LY96: variants seen among roughly 807,000 people sequenced by gnomAD.
LY96 encodes lymphocyte antigen 96.
Under a neutral mutation model 18.9 loss-of-function variants are expected in LY96, and 18 were observed. The ratio of observed to expected loss-of-function variants is 0.95; its 90% CI spans 0.66 to 1.41. LY96 has a LOEUF of 1.41. Among genes scored for constraint, LY96 ranks in the 40% most tolerant of loss-of-function variants. LY96 has a pLI of 0.00. For synonymous variants in LY96, 66 were observed against 62.6 expected (o/e 1.06, Z -0.26); for missense variants, 175 against 182.4 (o/e 0.96, Z 0.23).
At chr8:74,071,249 C>CT in the LY96 span, among the ~76,000 whole-genome samples, 5,447 of 137,288 alleles carry the variant, frequency 0.04, 227 homozygotes, top group Admixed American at 0.1. Context: ...CTTACAAGGA[C>CT]TTTTTTTTTT....
At chr8:74,068,392 T>C in the LY96 span, among the ~76,000 whole-genome samples, 2 of 152,194 alleles carry the variant, frequency 1.3e-5, no homozygotes, top group Non-Finnish European at 2.9e-5. Flanking sequence ...ATTTGGATAG[T>C]CTTTGGTTTT....
downstream of LY96, among the ~76,000 whole-genome samples, chr8:74,032,877 T>A (rs1193311091): frequency 6.6e-6 from 1 of 152,164 alleles, no homozygotes; most frequent in Non-Finnish European, 1.5e-5. Context: ...ACCAGCCTAG[T>A]GTTTATCCTG....
At chr8:74,080,982 C>CTTTCTTTCTTTCTT in the LY96 span, among the ~76,000 whole-genome samples, 2 of 127,736 alleles carry the variant, frequency 1.6e-5, no homozygotes, top group Admixed American at 8.6e-5. Flanking sequence ...CTTTCTTTCT[C>CTTTCTTTCTTTCTT]TCTCTTTCTT....
chr8:74,046,703 C>A, the LY96 span, among the ~76,000 whole-genome samples: 1 of 152,230 alleles, frequency 6.6e-6, no homozygotes, highest in East Asian at 1.9e-4. Flanking sequence ...TACTAAGAAA[C>A]AAAGGCTATG....
chr8:74,095,473 C>G, the LY96 span, among the ~76,000 whole-genome samples: 94 of 152,150 alleles, frequency 6.2e-4, 1 homozygote, highest in Admixed American at 6.2e-3. Flanking sequence ...GTTTTCTATC[C>G]TTCCTGTGGG....
downstream of LY96, among the ~76,000 whole-genome samples, chr8:74,031,824 C>A (rs1207356588): frequency 2.0e-5 from 3 of 150,170 alleles, no homozygotes; most frequent in Non-Finnish European, 4.4e-5. Flanking sequence ...AATGAAGCAA[C>A]CATTAAAACC....
chr8:73,997,415 C>T (rs1332603172), intron 1 of LY96, among the ~76,000 whole-genome samples: 4 of 152,196 alleles, frequency 2.6e-5, no homozygotes, highest in Non-Finnish European at 4.4e-5. Flanking sequence ...GTTCTTGCCA[C>T]CATACAATCT....
chr8:74,071,785 T>C, the LY96 span, among the ~76,000 whole-genome samples: 1 of 152,234 alleles, frequency 6.6e-6, no homozygotes, highest in African/African-American at 2.4e-5. Context: ...TAGTTATCTG[T>C]TTCTTGCCTT....
chr8:74,011,392 T>C (rs1051481471), intron 3 of LY96, among the ~76,000 whole-genome samples: 1 of 152,148 alleles, frequency 6.6e-6, no homozygotes, highest in Non-Finnish European at 1.5e-5. Context: ...TGGGATTTAA[T>C]TACATCAAAA....
intron 2 of LY96, among the ~76,000 whole-genome samples, chr8:74,008,847 A>G (rs1199213131): frequency 6.6e-6 from 1 of 152,200 alleles, no homozygotes; most frequent in African/African-American, 2.4e-5. Context: ...ATCCTGGAGA[A>G]ATCCAGGAGT....
chr8:74,012,896 A>G (rs1455712169), intron 3 of LY96, among the ~76,000 whole-genome samples: 1 of 151,994 alleles, frequency 6.6e-6, no homozygotes, highest in African/African-American at 2.4e-5. Flanking sequence ...CAATAGAACT[A>G]TATGTTATTG....
the LY96 span, among the ~76,000 whole-genome samples, chr8:74,078,330 G>A: frequency 2.2e-4 from 34 of 152,160 alleles, no homozygotes; most frequent in African/African-American, 8.0e-4. Flanking sequence ...CCTGGGAAAG[G>A]AGATACAGGA....
downstream of LY96, among the ~76,000 whole-genome samples, chr8:74,031,217 G>A (rs77235502): frequency 3.5e-3 from 539 of 152,138 alleles, 2 homozygotes; most frequent in Non-Finnish European, 6.4e-3. Flanking sequence ...AGTATATGCC[G>A]CCTGCTGGTC....
the LY96 span, among the ~76,000 whole-genome samples, chr8:74,073,488 C>T: frequency 6.6e-6 from 1 of 152,212 alleles, no homozygotes; most frequent in Admixed American, 6.5e-5. Flanking sequence ...AGCCATGTAG[C>T]AGGGAGGGAT....
chr8:73,993,870 C>T (rs1234112869), intron 1 of LY96, among the ~76,000 whole-genome samples: 1 of 152,180 alleles, frequency 6.6e-6, no homozygotes, highest in Non-Finnish European at 1.5e-5. Context: ...TGAGCCACTG[C>T]ACCTGGCCTA....
At chr8:74,047,142 C>T in the LY96 span, among the ~76,000 whole-genome samples, 1 of 152,174 alleles carries the variant, frequency 6.6e-6, no homozygotes, top group Non-Finnish European at 1.5e-5. Flanking sequence ...CCCACCTCAG[C>T]CTCCCAAAGT....
chr8:74,025,498 T>G (rs1000498310), intron 3 of LY96, among the ~76,000 whole-genome samples: 4 of 150,772 alleles, frequency 2.7e-5, no homozygotes, highest in African/African-American at 9.8e-5. Flanking sequence ...CTACTAAAAA[T>G]ACAAAAATTC....
the LY96 span, among the ~76,000 whole-genome samples, chr8:74,055,315 A>AT: frequency 1.3e-5 from 2 of 151,944 alleles, no homozygotes; most frequent in African/African-American, 4.8e-5. Context: ...TTATTTATTT[A>AT]TTTTTTGAGA....
the LY96 span, among the ~76,000 whole-genome samples, chr8:74,049,840 T>G: frequency 6.6e-6 from 1 of 152,282 alleles, no homozygotes; most frequent in Middle Eastern, 3.4e-3. Flanking sequence ...ATTGTATTGA[T>G]CAATTAATAA....
Sources: allele counts gnomAD v4.1 joint callset (sites outside exome capture counted in the v4.1 genomes callset), GRCh38; gene constraint gnomAD v4.1.1; transcripts MANE v1.5; gene names NCBI Gene and HGNC (gene_info 2026-07-23, HGNC 2026-07-21).